NME8: variants seen among roughly 807,000 people sequenced by gnomAD.
NME8 encodes the protein protein NME8.
Under a neutral mutation model 82.3 loss-of-function variants are expected in NME8, and 72 were observed. That is an observed-to-expected ratio of 0.87 (90% CI 0.72 to 1.06). The LOEUF (loss-of-function observed/expected upper bound fraction) is 1.06, where lower values mean the gene tolerates loss of function less well. Ranked by LOEUF, NME8 falls within the 50% of genes least tolerant of loss-of-function variation. The pLI is 0.00. For missense variants in NME8, 712 were observed against 685.4 expected (o/e 1.04, Z -0.43); for synonymous variants, 267 against 228.5 (o/e 1.17, Z -1.52).
At chr7:37,852,865 T>C (rs1784456129) in intron 5 of NME8, among the ~76,000 whole-genome samples, 1 of 152,310 alleles carries the variant, frequency 6.6e-6, no homozygotes, top group Non-Finnish European at 1.5e-5. Context: ...AGGAGTAAGA[T>C]TGCTGGATCA....
At chr7:37,887,509 T>G in intron 14 of NME8, among the ~76,000 whole-genome samples, 1 of 152,192 alleles carries the variant, frequency 6.6e-6, no homozygotes, top group South Asian at 2.1e-4. Context: ...CAAAATCACC[T>G]TCTGAAACAG....
chr7:37,892,930 A>C (rs577446185), intron 15 of NME8, among the ~76,000 whole-genome samples: 4 of 151,098 alleles, frequency 2.6e-5, no homozygotes, highest in African/African-American at 7.3e-5. Context: ...TCTTTTATTT[A>C]TTTCTTTAAC....
chr7:37,894,666 G>T, intron 16 of NME8, 56 bp downstream of exon 16: 1 of 1,448,268 alleles, frequency 6.9e-7, no homozygotes. Flanking sequence ...GTTCATTATA[G>T]AAACTTTGAA....
chr7:37,863,696 A>G (rs1302938863), intron 8 of NME8, among the ~76,000 whole-genome samples: 1 of 152,178 alleles, frequency 6.6e-6, no homozygotes, highest in African/African-American at 2.4e-5. Context: ...ACCCTGTACA[A>G]TGGATTCCTG....
At chr7:37,859,402 G>T (rs1459835444) in intron 6 of NME8, among the ~76,000 whole-genome samples, 1 of 152,116 alleles carries the variant, frequency 6.6e-6, no homozygotes, top group Non-Finnish European at 1.5e-5. Flanking sequence ...GAATTAAAAT[G>T]ACTTCCTAAG....
rs371383828 is a variant in NME8 at position 37,897,110 on chromosome 7, A to G, written c.*15+3A>G. The G allele has an allele frequency of 7.2e-5, 107 of 1,484,908 alleles. No homozygotes were observed. Among genetic ancestry groups the G allele is most frequent in the Non-Finnish European group, 9.4e-5 (100 of 1,063,006 alleles). 92.0% of individuals were successfully genotyped at this position (1,484,908 alleles called of 1,614,324 possible). On this transcript the variant is annotated splice_donor_region_variant and intron_variant, in intron 17 of 17. Transcript: ENST00000199447. Reference sequence around the variant, plus strand: ...AAAACTAAAGTATATACTGTGAAGTACGTACCTGTTTAATTATTATTTTAT... The same window carrying G: ...AAAACTAAAGTATATACTGTGAAGTGCGTACCTGTTTAATTATTATTTTAT...
intron 11 of NME8, among the ~76,000 whole-genome samples, chr7:37,869,342 GAAGGTT>G (rs1436448931): frequency 1.3e-5 from 2 of 152,130 alleles, no homozygotes; most frequent in East Asian, 3.8e-4. Context: ...TGGGCTGAGG[GAAGGTT>G]TGTTGGGTAG....
intron 11 of NME8, 28 bp from the exon 12 acceptor site, chr7:37,876,804 T>A: frequency 6.6e-7 from 1 of 1,524,156 alleles, no homozygotes; most frequent in East Asian, 2.3e-5. Flanking sequence ...TTTATAATAA[T>A]CTTAAATTAT....
chr7:37,892,678 A>G (rs183576049), intron 15 of NME8, among the ~76,000 whole-genome samples: 15 of 152,022 alleles, frequency 9.9e-5, no homozygotes, highest in Admixed American at 8.5e-4. Context: ...TTTAAGTTAC[A>G]TTAGACACCT....
rs112812411 is a variant in NME8 at position 37,859,535 on chromosome 7, A to G, written c.270+2190A>G. 3.2e-3 allele frequency among the ~76,000 whole-genome samples: 485 copies of G among 152,318 alleles called. 3 individuals carry two copies. The highest frequency in any genetic ancestry group is 0.011 in the African/African-American group (469 of 41,564). Reference sequence around the variant, plus strand: ...AACTGTTTATTTCAGAATGTGAAGTATAGTTGGTGTTTGCTTTACTTCTTA... The same window carrying G: ...AACTGTTTATTTCAGAATGTGAAGTGTAGTTGGTGTTTGCTTTACTTCTTA... On this transcript the variant is annotated intron_variant, in intron 6 of 17. Transcript: ENST00000199447.
intron 8 of NME8, 70 bp from the exon 9 acceptor site, chr7:37,864,278 C>A (rs1784640959): frequency 1.3e-6 from 2 of 1,518,338 alleles, no homozygotes; most frequent in Non-Finnish European, 1.8e-6. Flanking sequence ...TTGCTAATTG[C>A]CAGATCCTTC....
Position 37,884,439 on chromosome 7 carries a change from C to T in NME8, c.1131C>T (p.Asn377=), listed in dbSNP as rs1474947218. Reference sequence around the variant, plus strand: ...ACTATTTTAATAAACTTATAGAAAACATGACCAGGTAGAATCCAGGTTGAG... The same window carrying T: ...ACTATTTTAATAAACTTATAGAAAATATGACCAGGTAGAATCCAGGTTGAG... ...NEDYFNKLIE[N]MTSGPSLALV... is the part of the protein sequence containing the mutation. The change falls in exon 13 of 18, where the codon AAC becomes AAT. Residue 377 remains asparagine, a synonymous_variant. Coordinates refer to ENST00000199447, the MANE Select transcript of NME8 (RefSeq NM_016616.5). 6.2e-7 allele frequency: 1 copy of T among 1,610,846 alleles called. No individual in the cohort carries two copies. Among genetic ancestry groups the T allele is most frequent in the Non-Finnish European group, 8.5e-7 (1 of 1,177,344 alleles).
chr7:37,863,414 G>C lies in NME8; in HGVS notation c.406G>C (p.Val136Leu). ...TTCATAGTATCCTGAAATTCCATTAGTAGACTCAGATTCAGAAGTTAGTGA... is the reference window on the plus strand; with the variant it reads ...TTCATAGTATCCTGAAATTCCATTACTAGACTCAGATTCAGAAGTTAGTGA... ...ARPQYPEIPLVDSDSEVSEES... is the reference protein window; with the variant it reads ...ARPQYPEIPLLDSDSEVSEES... Residue 136 changes from valine to leucine, a missense_variant, in exon 8 of 18, where the codon GTA becomes CTA. Val to Leu is a conservative substitution (Grantham distance 32). Transcript: ENST00000199447. 6.3e-7 allele frequency: 1 copy of C among 1,591,730 alleles called. No homozygotes were observed.
chr7:37,879,843 C>T (rs1784915581), intron 12 of NME8, among the ~76,000 whole-genome samples: 1 of 152,208 alleles, frequency 6.6e-6, no homozygotes, highest in Non-Finnish European at 1.5e-5. Flanking sequence ...TGTTGCTCTA[C>T]AACCTTGCCA....
intron 11 of NME8, among the ~76,000 whole-genome samples, chr7:37,871,122 T>G (rs555616515): frequency 6.6e-6 from 1 of 152,132 alleles, no homozygotes. Context: ...AGCAGAGCAA[T>G]TGAACTGGGA....
At position 37,862,120 on chromosome 7, in the gene NME8, A is replaced by C; in HGVS notation, c.363A>C (p.Ala121=). 1 of 1,612,726 alleles carries C rather than the reference A, an allele frequency of 6.2e-7. No individual in the cohort carries two copies. The highest frequency in any genetic ancestry group is 8.5e-7 in the Non-Finnish European group (1 of 1,178,854). The change falls in exon 7 of 18, where the codon GCA becomes GCC. Residue 121 remains alanine, a synonymous_variant. Coordinates refer to ENST00000199447, the MANE Select transcript of NME8 (RefSeq NM_016616.5). The stretch of plus-strand genomic sequence containing the variant: ...TGATCGATGAGGAGAGAAAAATTGC[A>C]GCAGGTGAAATGGCTCGACCTCAGG... ...INLIDEERKI[A]AGEMARPQYP...
intron 9 of NME8, among the ~76,000 whole-genome samples, chr7:37,865,037 A>G (rs932204534): frequency 3.3e-5 from 5 of 152,168 alleles, no homozygotes; most frequent in African/African-American, 7.2e-5. Flanking sequence ...GCCAAACCAT[A>G]TCATTCTGCT....
chr7:37,895,834 T>TCAGTATAGTATAGCAGTATAG, intron 16 of NME8, among the ~76,000 whole-genome samples: 2 of 152,182 alleles, frequency 1.3e-5, no homozygotes, highest in African/African-American at 4.8e-5. Flanking sequence ...TCTACAGTAT[T>TCAGTATAGTATAGCAGTATAG]CAGTATAGTA....
intron 16 of NME8, among the ~76,000 whole-genome samples, chr7:37,896,343 A>G (rs1053224384): frequency 1.3e-5 from 2 of 151,910 alleles, no homozygotes; most frequent in African/African-American, 2.4e-5. Context: ...GCAAAGAAGC[A>G]GGATGGGGAT....
Sources: allele counts gnomAD v4.1 joint callset (sites outside exome capture counted in the v4.1 genomes callset), GRCh38; gene constraint gnomAD v4.1.1; transcripts MANE v1.5; gene names NCBI Gene and HGNC (gene_info 2026-07-23, HGNC 2026-07-21).